RBCK1: variants seen among roughly 807,000 people sequenced by gnomAD.
The protein encoded by RBCK1 is ranBP-type and C3HC4-type zinc finger-containing protein 1.
Under a neutral mutation model 71.1 loss-of-function variants are expected in RBCK1, and 44 were observed. That is an observed-to-expected ratio of 0.62 (90% CI 0.49 to 0.80). The LOEUF (loss-of-function observed/expected upper bound fraction) is 0.80. RBCK1 is among the 30% of genes least tolerant of loss of function. The pLI, the probability that RBCK1 is intolerant of heterozygous loss-of-function variation, is 0.00. For missense variants in RBCK1, 569 were observed against 685.0 expected, an observed-to-expected ratio of 0.83 and a Z score of 1.89; for synonymous variants, 306 against 279.7, an observed-to-expected ratio of 1.09 and a Z score of -0.94.
Position 417,707 on chromosome 20 carries a change from C to G in RBCK1, c.262-25C>G, listed in dbSNP as rs775672608. ...TCTCTCCTCTGGCCCTCCCTTCCCA[C>G]TCTCCCTCTCTTTGCCCCCACCAGG... On this transcript the variant is annotated intron_variant, in intron 3 of 11. Transcript: ENST00000356286. The surrounding 1 kb of genome is among the most constrained non-coding windows in gnomAD (Gnocchi z 4.7). 6.2e-7 allele frequency: 1 copy of G among 1,606,320 alleles called. No individual in the cohort carries two copies. The highest frequency in any genetic ancestry group is 1.3e-5 in the African/African-American group (1 of 74,792).
At chr20:410,151 AT>A in intron 2 of RBCK1, 126 bp downstream of exon 2, 2 of 1,069,852 alleles carry the variant, frequency 1.9e-6, no homozygotes, top group Admixed American at 5.5e-5. Context: ...TAGTTATGTC[AT>A]TAATCAACTG....
chr20:430,276 G>A lies in RBCK1; in HGVS notation c.1453-74G>A. ...GGACCTGCAGAGGCAAAGGCCCGGG[G>A]TGGGAGAGCGCTCGGCTGTGGGGGC... is the stretch of plus-strand genomic sequence containing the variant. On this transcript the variant is annotated intron_variant, in intron 11 of 11. Transcript: ENST00000356286. This position sits in a 1 kb window ranked among gnomAD's most constrained non-coding sequence, Gnocchi z 5.6. 7.3e-7 allele frequency: 1 copy of A among 1,361,124 alleles called. No individual in the cohort carries two copies. The highest frequency in any genetic ancestry group is 1.0e-6 in the Non-Finnish European group (1 of 957,752). 84.3% of individuals were successfully genotyped at this position (1,361,124 alleles called of 1,614,324 possible).
intron 2 of RBCK1, among the ~76,000 whole-genome samples, chr20:416,196 C>T (rs1441226798): frequency 3.4e-5 from 5 of 147,700 alleles, no homozygotes; most frequent in Middle Eastern, 3.7e-3. Context: ...CACTCTGTTG[C>T]CCAGGCTGGA....
chr20:431,754 A>G lies in RBCK1; in HGVS notation c.*1324A>G, dbSNP rs755487953. On this transcript the variant is annotated 3_prime_UTR_variant, in exon 12 of 12. Coordinates refer to ENST00000356286, the MANE Select transcript of RBCK1 (RefSeq NM_031229.4). This position sits in a 1 kb window ranked among gnomAD's most constrained non-coding sequence, Gnocchi z 4.8. ...GACTGGGTCCTTCGGCACTGCCTGC[A>G]TTGGCTCAGGGCAGTCAACCGTCGC... is the stretch of plus-strand genomic sequence containing the variant. Among the ~76,000 whole-genome samples, 92 of 152,184 alleles carry G rather than the reference A, an allele frequency of 6.0e-4. No individual in the cohort carries two copies. Among genetic ancestry groups the G allele is most frequent in the Non-Finnish European group, 4.9e-4 (33 of 68,032 alleles).
rs2016789960 is a variant in RBCK1 at position 427,419 on chromosome 20, G to A, written c.1136G>A (p.Trp379Ter). 3 of 1,614,066 alleles carry A rather than the reference G, an allele frequency of 1.9e-6. No individual in the cohort carries two copies. Among genetic ancestry groups the A allele is most frequent in the South Asian group, 1.1e-5 (1 of 91,084 alleles). Residue 379 changes from tryptophan (W) to a stop codon, truncating the protein, a stop_gained, in exon 9 of 12, where the codon TGG becomes TAG. Transcript: ENST00000356286. LOFTEE classifies it high-confidence loss of function. ...YHCKTPDCKG[W>*]CFFEDDVNEF... ...TGCAAGACCCCAGATTGCAAGGGAT[G>A]GTGCTTCTTTGAGGATGATGTCAAT...
In RBCK1 at chr20:430,746, C is replaced by G. The variant is rs1227022875; in HGVS notation, c.*316C>G. 5.5e-6 allele frequency: 2 copies of G among 366,140 alleles called. No individual in the cohort carries two copies. The highest frequency in any genetic ancestry group is 2.1e-5 in the African/African-American group (1 of 48,118). The allele number at this position is 366,140 out of a possible 1,614,324, so 22.7% of individuals were successfully genotyped here. ...CACCACAACACTCATCTGTCAAACA[C>G]CAAGCACTCTCAGCCTCCCCGCCTT... On this transcript the variant is annotated 3_prime_UTR_variant, in exon 12 of 12. Transcript: ENST00000356286. This position sits in a 1 kb window ranked among gnomAD's most constrained non-coding sequence, Gnocchi z 5.6.
At chr20:423,171 T>G (rs1405153726) in intron 8 of RBCK1, among the ~76,000 whole-genome samples, 3 of 152,270 alleles carry the variant, frequency 2.0e-5, no homozygotes. Flanking sequence ...TGGTGGCGCA[T>G]GCCTGTAATC....
At position 427,442 on chromosome 20, in the gene RBCK1, AAT is replaced by A; in HGVS notation, c.1160_1161del (p.Asn387ArgfsTer20). 6.2e-7 allele frequency: 1 copy of A among 1,614,086 alleles called. No homozygotes were observed. Among genetic ancestry groups the A allele is most frequent in the Non-Finnish European group, 8.5e-7 (1 of 1,180,040 alleles). On this transcript the variant is annotated frameshift_variant, in exon 9 of 12. Coordinates refer to ENST00000356286, the MANE Select transcript of RBCK1 (RefSeq NM_031229.4). LOFTEE classifies it high-confidence loss of function. ...KGWCFFEDDV[N>X]EFTCPVCFHV... The stretch of plus-strand genomic sequence containing the variant: ...ATGGTGCTTCTTTGAGGATGATGTC[AAT>A]GAGTTCACCTGCCCTGTGTGTTTCC...
At chr20:424,601 CTG>C (rs1310451907) in intron 8 of RBCK1, among the ~76,000 whole-genome samples, 3 of 152,190 alleles carry the variant, frequency 2.0e-5, no homozygotes, top group Non-Finnish European at 4.4e-5. Flanking sequence ...CCATTTTTCT[CTG>C]TTGTCTCTGG....
chr20:415,486 G>A (rs1052231929), intron 2 of RBCK1, among the ~76,000 whole-genome samples: 7 of 152,130 alleles, frequency 4.6e-5, no homozygotes, highest in African/African-American at 1.7e-4. Context: ...TATTTCATTA[G>A]TGCTTTTTAC....
Position 430,596 on chromosome 20 carries a change from C to T in RBCK1, c.*166C>T, listed in dbSNP as rs2016970009. On this transcript the variant is annotated 3_prime_UTR_variant, in exon 12 of 12. Coordinates refer to ENST00000356286, the MANE Select transcript of RBCK1 (RefSeq NM_031229.4). This position sits in a 1 kb window ranked among gnomAD's most constrained non-coding sequence, Gnocchi z 5.6. The stretch of plus-strand genomic sequence containing the variant: ...TCTGCCCCAGTGCCTTTGTCCTTCC[C>T]TTGGGGCTTGCCGGCCAGACTTCTC... The T allele has an allele frequency of 1.5e-6, 1 of 680,024 alleles. No homozygotes were observed. Among genetic ancestry groups the T allele is most frequent in the Admixed American group, 2.5e-5 (1 of 40,228 alleles). The allele number at this position is 680,024 out of a possible 1,614,324, so 42.1% of individuals were successfully genotyped here.
chr20:418,476 C>G (rs2016136764), intron 4 of RBCK1, among the ~76,000 whole-genome samples: 1 of 152,174 alleles, frequency 6.6e-6, no homozygotes, highest in African/African-American at 2.4e-5. Context: ...TCACGCCATT[C>G]TCCTGCCTCA....
Position 428,514 on chromosome 20 carries a change from C to G in RBCK1, c.1233C>G (p.Cys411Trp). Residue 411 changes from cysteine (C) to tryptophan (W), a missense_variant, in exon 10 of 12, where the codon TGC (cysteine) becomes TGG (tryptophan). Physicochemically the swap from Cys to Trp is radical, Grantham distance 215 (BLOSUM62 -2). Transcript: ENST00000356286. This position sits in a 1 kb window ranked among gnomAD's most constrained non-coding sequence, Gnocchi z 5.7. ...AGGCCATCCATGAGCAGATGAACTG[C>G]AAGGAGTATCAGGAGGACCTGGCCC... Reference protein sequence around the residue: ...LCKAIHEQMNCKEYQEDLALR... With the variant: ...LCKAIHEQMNWKEYQEDLALR... The G allele has an allele frequency of 6.2e-7, 1 of 1,611,174 alleles. No homozygotes were observed. The highest frequency in any genetic ancestry group is 1.3e-5 in the African/African-American group (1 of 75,024).
rs1010765820 is a variant in RBCK1, at chr20:430,224, G to A, written c.1453-126G>A. On this transcript the variant is annotated intron_variant, in intron 11 of 11. Transcript: ENST00000356286. This position sits in a 1 kb window ranked among gnomAD's most constrained non-coding sequence, Gnocchi z 5.6. ...CTCAGTGACTCTCCATCAGGTAGCT[G>A]AGGCTGACCAGGCCATTCTTGCAGG... 1.1e-5 allele frequency: 9 copies of A among 793,556 alleles called. No individual in the cohort carries two copies. Among genetic ancestry groups the A allele is most frequent in the Non-Finnish European group, 1.9e-5 (9 of 485,994 alleles). 49.2% of individuals were successfully genotyped at this position (793,556 alleles called of 1,614,324 possible). A position where few individuals can be genotyped will look rare whatever the true frequency, so the allele number is the denominator to read the frequency against.
Position 422,029 on chromosome 20 carries a change from A to G in RBCK1, c.918-98A>G. On this transcript the variant is annotated intron_variant, in intron 7 of 11. Transcript: ENST00000356286. The surrounding 1 kb of genome is among the most constrained non-coding windows in gnomAD (Gnocchi z 5.0). ...AGGAGAAGTCCACCTGGGGTGACTG[A>G]GTGAGGCCCCTGGGGTCAGGCCTTG... is the stretch of plus-strand genomic sequence containing the variant. 1.2e-6 allele frequency: 1 copy of G among 867,626 alleles called. No individual in the cohort carries two copies. The highest frequency in any genetic ancestry group is 2.1e-5 in the Admixed American group (1 of 46,544). The allele number at this position is 867,626 out of a possible 1,614,324, so 53.7% of individuals were successfully genotyped here. A position where few individuals can be genotyped will look rare whatever the true frequency, so the allele number is the denominator to read the frequency against.
Position 425,840 on chromosome 20 carries a change from T to A in RBCK1, c.1030-1473T>A, listed in dbSNP as rs147871258. On this transcript the variant is annotated intron_variant, in intron 8 of 11. Transcript: ENST00000356286. ...TGGGGTTTCACTATGTTGGCCAAGC[T>A]AGTCTTAAACTCCTGACCTCGTGAT... 4.2e-3 allele frequency among the ~76,000 whole-genome samples: 639 copies of A among 152,256 alleles called. 2 individuals carry two copies. Among genetic ancestry groups the A allele is most frequent in the African/African-American group, 0.014 (596 of 41,540 alleles).
In RBCK1 at chr20:420,951, C is replaced by T. The variant is rs1433038293; in HGVS notation, c.837C>T (p.Pro279=). The T allele has an allele frequency of 6.4e-7, 1 of 1,556,502 alleles. No homozygotes were observed. Among genetic ancestry groups the T allele is most frequent in the Non-Finnish European group, 8.7e-7 (1 of 1,151,604 alleles). The change falls in exon 7 of 12, where the codon CCC becomes CCT. Residue 279 remains proline, a synonymous_variant. Transcript: ENST00000356286. The stretch of plus-strand genomic sequence containing the variant: ...GGAGCCTGGTGCTGAACACGGAGCC[C>T]GCCGAGTGCCCCGTGTGCTACTCGG... ...DQRSLVLNTE[P]AECPVCYSVL...
rs1456576110 is a variant in RBCK1 at position 419,404 on chromosome 20, C to T, written c.518C>T (p.Pro173Leu). The stretch of plus-strand genomic sequence containing the variant: ...CGGGGCCCTCTGGAGCCAGGCCCCC[C>T]AAAGCCCGGGGTCCCCCAGGAACCC... Reference protein sequence around the residue: ...QPRGPLEPGPPKPGVPQEPGR... With the variant: ...QPRGPLEPGPLKPGVPQEPGR... The change falls in exon 5 of 12, where the codon CCA becomes CTA. Residue 173 changes from proline (P) to leucine (L), a missense_variant. By Grantham distance (98) the Pro-to-Leu change is moderately conservative. This residue lies in a region of RBCK1 where 358 missense variants were observed against 375.6 expected (regional missense o/e 0.95). Coordinates refer to ENST00000356286, the MANE Select transcript of RBCK1 (RefSeq NM_031229.4). The T allele has an allele frequency of 1.9e-6, 3 of 1,611,882 alleles. No individual in the cohort carries two copies. Among genetic ancestry groups the T allele is most frequent in the Non-Finnish European group, 2.5e-6 (3 of 1,179,348 alleles).
chr20:427,305 G>A lies in RBCK1; in HGVS notation c.1030-8G>A. ...ATCCTGAGCAGCAAGGACATGGTGT[G>A]TTGGCAGCTCCTGACCCCTGAGGAT... On this transcript the variant is annotated splice_polypyrimidine_tract_variant and splice_region_variant and intron_variant, in intron 8 of 11. Transcript: ENST00000356286. 3.7e-6 allele frequency: 6 copies of A among 1,613,624 alleles called. No homozygotes were observed. Among genetic ancestry groups the A allele is most frequent in the Non-Finnish European group, 5.1e-6 (6 of 1,179,794 alleles).
Sources: gnomAD v4.1 joint callset for allele counts (sites outside exome capture counted in the v4.1 genomes callset) on GRCh38, gnomAD v4.1.1 for gene constraint, gnomAD v4.1.1 regional missense constraint, Gnocchi (gnomAD v3.1) non-coding constraint, MANE v1.5 for transcripts, NCBI Gene and HGNC (gene_info 2026-07-23, HGNC 2026-07-21) for gene names.